GAS7: variants seen among roughly 807,000 people sequenced by gnomAD.
GAS7 encodes growth arrest specific 7.
GAS7 carries 28 observed loss-of-function variants against 71.1 expected under a neutral mutation model. The observed-to-expected ratio is 0.39, with a 90% CI of 0.29 to 0.54. The LOEUF is 0.54. Among genes scored for constraint, GAS7 ranks in the 20% least tolerant of loss-of-function variants. GAS7 has a pLI of 0.62. For missense variants in GAS7, 436 were observed against 627.8 expected (o/e 0.69, Z 3.27); for synonymous variants, 258 against 245.8 (o/e 1.05, Z -0.46).
chr17:9,994,778 C>T (rs1027734534), intron 2 of GAS7, among the ~76,000 whole-genome samples: 1 of 151,930 alleles, frequency 6.6e-6, no homozygotes, highest in Non-Finnish European at 1.5e-5. Context: ...ACAACCTACT[C>T]ACCTGACAAA....
intron 1 of GAS7, among the ~76,000 whole-genome samples, chr17:10,051,264 A>G (rs974675418): frequency 3.9e-5 from 6 of 152,228 alleles, no homozygotes; most frequent in Non-Finnish European, 7.3e-5. Flanking sequence ...GAGAAAAGCC[A>G]TCAACTGAGG....
At chr17:10,141,177 C>T (rs1008913563) in intron 1 of GAS7, among the ~76,000 whole-genome samples, 4 of 152,174 alleles carry the variant, frequency 2.6e-5, no homozygotes, top group Admixed American at 6.5e-5. Flanking sequence ...GGGCCGGGCG[C>T]GGTGGCTCAC....
intron 1 of GAS7, among the ~76,000 whole-genome samples, chr17:10,100,996 C>T (rs545154339): frequency 6.6e-5 from 10 of 152,278 alleles, no homozygotes; most frequent in African/African-American, 1.9e-4. Flanking sequence ...TGGCCACGTG[C>T]AGTGGCTCAT....
intron 1 of GAS7, among the ~76,000 whole-genome samples, chr17:10,111,457 C>T (rs1346861063): frequency 1.3e-5 from 2 of 152,004 alleles, no homozygotes; most frequent in South Asian, 2.1e-4. Context: ...GGCATGAACC[C>T]GGGAGGCGGA....
intron 2 of GAS7, among the ~76,000 whole-genome samples, chr17:10,009,274 T>C (rs1597675977): frequency 7.6e-6 from 1 of 130,756 alleles, no homozygotes. Flanking sequence ...TGAGCCGAGA[T>C]CCCGCCACTG....
chr17:10,100,706 C>T (rs2073690160), intron 1 of GAS7, among the ~76,000 whole-genome samples: 2 of 152,086 alleles, frequency 1.3e-5, no homozygotes, highest in Admixed American at 1.3e-4. Flanking sequence ...GTTTTTTTCC[C>T]CTCTTTGGAA....
At chr17:9,924,959 G>C (rs1268475219) in intron 11 of GAS7, among the ~76,000 whole-genome samples, 1 of 152,222 alleles carries the variant, frequency 6.6e-6, no homozygotes, top group African/African-American at 2.4e-5. Flanking sequence ...ATTCCCAAGA[G>C]ACTGAAATCT....
intron 1 of GAS7, among the ~76,000 whole-genome samples, chr17:10,038,984 A>G (rs1186847742): frequency 6.6e-6 from 1 of 152,172 alleles, no homozygotes; most frequent in Non-Finnish European, 1.5e-5. Flanking sequence ...TGAGGCACCT[A>G]GAGAAGTCAA....
At chr17:10,089,705 G>A (rs1412601302) in intron 1 of GAS7, among the ~76,000 whole-genome samples, 1 of 136,384 alleles carries the variant, frequency 7.3e-6, no homozygotes, top group African/African-American at 2.7e-5. Context: ...ATCACACTTG[G>A]GGAGAAAGGT....
At chr17:10,032,280 C>T (rs1291111611) in intron 1 of GAS7, among the ~76,000 whole-genome samples, 3 of 152,168 alleles carry the variant, frequency 2.0e-5, no homozygotes, top group Non-Finnish European at 2.9e-5. Context: ...ACTGTGCTCG[C>T]TGGCTTTTGA....
chr17:10,077,974 G>A (rs147511165), intron 1 of GAS7, among the ~76,000 whole-genome samples: 1 of 152,154 alleles, frequency 6.6e-6, no homozygotes. Flanking sequence ...TGCTTCTATT[G>A]AGATGAAAAA....
rs533022373 is a variant in GAS7, at chr17:10,089,497, G to C, written c.184-69600C>G. Among the ~76,000 whole-genome samples, 15 of 149,182 alleles carry C rather than the reference G, an allele frequency of 1.0e-4. No homozygotes were observed. In the South Asian group the frequency reaches 1.5e-3, roughly 15 times the overall value. On this transcript the variant is annotated intron_variant, in intron 1 of 13. Transcript: ENST00000432992. ...ACACCAAAAGAAATTCCTCCTACGG[G>C]TTCAGAGAAAGAGAACACAGTAAAA...
chr17:10,133,529 A>G (rs1468682523), intron 1 of GAS7, among the ~76,000 whole-genome samples: 1 of 152,186 alleles, frequency 6.6e-6, no homozygotes, highest in African/African-American at 2.4e-5. Flanking sequence ...TCATTAATCT[A>G]CGCATTACTC....
At chr17:10,037,144 G>A (rs1186118552) in intron 1 of GAS7, among the ~76,000 whole-genome samples, 1 of 152,184 alleles carries the variant, frequency 6.6e-6, no homozygotes, top group African/African-American at 2.4e-5. Context: ...CTCTGCCCTC[G>A]CCACCATCAA....
intron 1 of GAS7, among the ~76,000 whole-genome samples, chr17:10,091,689 G>T (rs1046632403): frequency 2.0e-5 from 3 of 151,862 alleles, no homozygotes; most frequent in Admixed American, 6.6e-5. Context: ...CCCAGCTGGG[G>T]TTTTGTTTTT....
intron 2 of GAS7, among the ~76,000 whole-genome samples, chr17:10,001,388 C>A (rs1321701219): frequency 1.3e-5 from 2 of 152,140 alleles, no homozygotes; most frequent in Non-Finnish European, 2.9e-5. Context: ...GGAAATAAAA[C>A]CCTCCCTAAT....
intron 8 of GAS7, among the ~76,000 whole-genome samples, chr17:9,938,048 G>A (rs192656821): frequency 6.6e-6 from 1 of 152,174 alleles, no homozygotes; most frequent in Non-Finnish European, 1.5e-5. Flanking sequence ...AAACATTTTC[G>A]TCATGCTAGT....
At chr17:10,063,278 G>A (rs748239581) in intron 1 of GAS7, among the ~76,000 whole-genome samples, 10 of 152,208 alleles carry the variant, frequency 6.6e-5, no homozygotes, top group African/African-American at 1.4e-4. Flanking sequence ...GTGTGTGCGC[G>A]CGCACGCGTT....
Position 9,941,275 on chromosome 17 carries a change from A to G in GAS7, c.732-1075T>C, listed in dbSNP as rs73271061. ...GATCTGCCTCTGTCACTTCCTCTCCATCCCCCTACCTTCACCTCCAGACTG... is the reference window on the plus strand; with the variant it reads ...GATCTGCCTCTGTCACTTCCTCTCCGTCCCCCTACCTTCACCTCCAGACTG... On this transcript the variant is annotated intron_variant, in intron 7 of 13. Coordinates refer to ENST00000432992, the MANE Select transcript of GAS7 (RefSeq NM_201433.2). 6.7e-3 allele frequency among the ~76,000 whole-genome samples: 1,020 copies of G among 152,070 alleles called. 5 individuals are homozygous for G. The highest frequency in any genetic ancestry group is 0.023 in the African/African-American group (937 of 41,454).
Sources: allele counts gnomAD v4.1 joint callset (sites outside exome capture counted in the v4.1 genomes callset), GRCh38; gene constraint gnomAD v4.1.1; transcripts MANE v1.5; gene names NCBI Gene and HGNC (gene_info 2026-07-23, HGNC 2026-07-21).